The following R3HDM1 variants were observed in gnomAD, a reference collection of about 807,000 sequenced individuals.
The protein encoded by R3HDM1 is R3H domain containing 1, also known as R3H domain-containing protein 1.
A neutral mutation model predicts 141.1 loss-of-function variants in R3HDM1; 46 were observed. The observed-to-expected ratio is 0.33, with a 90% CI of 0.26 to 0.42. The LOEUF is 0.42. Among genes scored for constraint, R3HDM1 ranks in the 10% least tolerant of loss-of-function variants. R3HDM1 has a pLI of 1.00. For synonymous variants in R3HDM1, 435 were observed against 472.9 expected, an observed-to-expected ratio of 0.92 and a Z score of 1.04; for missense variants, 1,184 against 1,368.3, an observed-to-expected ratio of 0.87 and a Z score of 2.12.
intron 1 of R3HDM1, among the ~76,000 whole-genome samples, chr2:135,537,406 C>G (rs980704311): frequency 1.2e-4 from 18 of 149,828 alleles, no homozygotes; most frequent in African/African-American, 3.4e-4. Context: ...CTTCCTCAGC[C>G]CCCCCAAGTA....
rs149836555 is a variant in R3HDM1, at chr2:135,562,294, A to G, written c.-250+30661A>G. On this transcript the variant is annotated intron_variant, in intron 1 of 26. Transcript: ENST00000683871. ...TTATGTGTTTGACCATCATCCCCAA[A>G]GCTTCTATAGGATATTTGGTCAAGA... Among the ~76,000 whole-genome samples, 84 of 152,316 alleles carry G rather than the reference A, an allele frequency of 5.5e-4. 1 individual carries two copies. The East Asian group carries it at 0.012, about 22-fold the overall frequency.
intron 1 of R3HDM1, among the ~76,000 whole-genome samples, chr2:135,564,739 A>G (rs1485072567): frequency 6.6e-6 from 1 of 152,250 alleles, no homozygotes; most frequent in South Asian, 2.1e-4. Context: ...ATAAATAAAT[A>G]TGTAATACAC....
At chr2:135,697,723 C>T (rs745891702) in intron 21 of R3HDM1, among the ~76,000 whole-genome samples, 7 of 152,004 alleles carry the variant, frequency 4.6e-5, no homozygotes, top group Non-Finnish European at 7.4e-5. Context: ...TTTTGGGATA[C>T]ATATATATGT....
At chr2:135,534,439 C>T (rs997797354) in intron 1 of R3HDM1, among the ~76,000 whole-genome samples, 3 of 152,180 alleles carry the variant, frequency 2.0e-5, no homozygotes, top group African/African-American at 7.2e-5. Flanking sequence ...TTGAGTGTTT[C>T]TTTTCTGTGA....
chr2:135,677,564 T>C (rs980734566), intron 20 of R3HDM1, among the ~76,000 whole-genome samples: 2 of 132,174 alleles, frequency 1.5e-5, no homozygotes, highest in African/African-American at 7.2e-5. Context: ...ATTAGTATAG[T>C]TTTTTTTTAA....
rs552993101 is a variant in R3HDM1, at chr2:135,579,655, T to C, written c.-249-22845T>C. Among the ~76,000 whole-genome samples the C allele has an allele frequency of 3.3e-5, 5 of 150,814 alleles. No individual in the cohort carries two copies. In the South Asian group the frequency reaches 1.0e-3, roughly 32 times the overall value. On this transcript the variant is annotated intron_variant, in intron 1 of 26. Coordinates refer to ENST00000683871, the MANE Select transcript of R3HDM1 (RefSeq NM_001378107.1). ...CAGGTAAAGTAGAAGTCACTAGTAA[T>C]CTGAGACACGCCAGCGTCATGTGTT...
At position 135,715,695 on chromosome 2, in the gene R3HDM1, G is replaced by T. The variant is rs1236018193; in HGVS notation, c.2881+1G>T. 6.2e-7 allele frequency: 1 copy of T among 1,611,642 alleles called. No individual in the cohort carries two copies. Among genetic ancestry groups the T allele is most frequent in the Non-Finnish European group, 8.5e-7 (1 of 1,179,050 alleles). Reference sequence around the variant, plus strand: ...TCTAGACCTTTTGTCCCCGGGCAAGGTAAGTGCACATGAAACTAGTCACAA... The same window carrying T: ...TCTAGACCTTTTGTCCCCGGGCAAGTTAAGTGCACATGAAACTAGTCACAA... On this transcript the variant is annotated splice_donor_variant, in intron 24 of 26. Transcript: ENST00000683871. LOFTEE classifies it high-confidence loss of function.
intron 1 of R3HDM1, chr2:135,566,617 A>G (rs772491406): frequency 1.1e-5 from 3 of 264,914 alleles, no homozygotes; most frequent in African/African-American, 2.3e-5. Flanking sequence ...TTCTGTCAGC[A>G]TTACCAGTAT....
intron 21 of R3HDM1, among the ~76,000 whole-genome samples, chr2:135,707,393 T>G (rs564910127): frequency 3.9e-5 from 6 of 152,338 alleles, no homozygotes; most frequent in African/African-American, 1.2e-4. Flanking sequence ...GAATTATCTA[T>G]ACGTCTCTCA....
At chr2:135,685,567 A>G (rs1384378857) in intron 21 of R3HDM1, among the ~76,000 whole-genome samples, 1 of 152,180 alleles carries the variant, frequency 6.6e-6, no homozygotes, top group Non-Finnish European at 1.5e-5. Flanking sequence ...CTGTACTTGT[A>G]ACTGATGACT....
intron 7 of R3HDM1, among the ~76,000 whole-genome samples, chr2:135,630,308 A>C (rs6709174): frequency 1.1e-4 from 15 of 132,054 alleles, no homozygotes; most frequent in African/African-American, 3.9e-4. Flanking sequence ...AAAAAAAAAA[A>C]CAAAAAAAAA....
intron 7 of R3HDM1, among the ~76,000 whole-genome samples, chr2:135,628,783 G>A (rs1460745185): frequency 2.0e-5 from 3 of 151,860 alleles, no homozygotes; most frequent in African/African-American, 4.8e-5. Flanking sequence ...GCGCCACCAC[G>A]CCCGGCTATT....
In R3HDM1 at chr2:135,646,337, AT is replaced by A. The variant is rs531638923; in HGVS notation, c.1623+811del. On this transcript the variant is annotated intron_variant, in intron 16 of 26. Transcript: ENST00000683871. Reference sequence around the variant, plus strand: ...TTTTTAGTAGAGACTGGGTTTCACCATGTTAGTCAGGATGGTCTCGATCTCC... The same window carrying A: ...TTTTTAGTAGAGACTGGGTTTCACCAGTTAGTCAGGATGGTCTCGATCTCC... Among the ~76,000 whole-genome samples, 51 of 150,920 alleles carry A rather than the reference AT, an allele frequency of 3.4e-4. 1 individual carries two copies. In the South Asian group the frequency reaches 0.01, roughly 30 times the overall value.
chr2:135,531,896 T>TGCAGCC (rs1225988448), intron 1 of R3HDM1, among the ~76,000 whole-genome samples: 1 of 152,172 alleles, frequency 6.6e-6, no homozygotes, highest in African/African-American at 2.4e-5. Flanking sequence ...CGGCTGCAGC[T>TGCAGCC]GCAGCCACTG....
intron 1 of R3HDM1, among the ~76,000 whole-genome samples, chr2:135,536,290 A>G (rs902469018): frequency 6.6e-6 from 1 of 152,140 alleles, no homozygotes; most frequent in African/African-American, 2.4e-5. Flanking sequence ...CAAACTTGTC[A>G]CTAGGACTAC....
At chr2:135,662,209 A>C (rs567247907) in intron 19 of R3HDM1, among the ~76,000 whole-genome samples, 1 of 152,192 alleles carries the variant, frequency 6.6e-6, no homozygotes, top group Admixed American at 6.5e-5. Flanking sequence ...GCTTATCACT[A>C]TTGGAGGCTC....
intron 3 of R3HDM1, chr2:135,606,786 A>C (rs983967235): frequency 1.3e-5 from 2 of 151,554 alleles, no homozygotes; most frequent in African/African-American, 2.4e-5. Flanking sequence ...TTAAAAAAAA[A>C]AGTTTAACAA....
intron 5 of R3HDM1, among the ~76,000 whole-genome samples, chr2:135,618,938 T>G (rs1187060002): frequency 6.6e-6 from 1 of 151,582 alleles, no homozygotes; most frequent in Admixed American, 6.6e-5. Flanking sequence ...GAGAATCGCT[T>G]GAACCCAGGA....
rs180936034 is a variant in R3HDM1, at chr2:135,604,444, C to G, written c.-40-362C>G. Among the ~76,000 whole-genome samples, 251 of 152,228 alleles carry G rather than the reference C, an allele frequency of 1.6e-3. 2 individuals carry two copies. Among genetic ancestry groups the G allele is most frequent in the African/African-American group, 5.9e-3 (243 of 41,534 alleles). ...ATGTGCATCAAAATCACTCCATATT[C>G]TTTTTTTAAATGTAAAAAAAACACA... On this transcript the variant is annotated intron_variant, in intron 2 of 26. Transcript: ENST00000683871.
Sources: allele counts gnomAD v4.1 joint callset (sites outside exome capture counted in the v4.1 genomes callset), GRCh38; gene constraint gnomAD v4.1.1; transcripts MANE v1.5; gene names NCBI Gene and HGNC (gene_info 2026-07-23, HGNC 2026-07-21).